The following CSMD1 variants were observed in gnomAD, a reference collection of about 807,000 sequenced individuals.
CSMD1 encodes the protein CUB and Sushi multiple domains 1.
In CSMD1, 213 loss-of-function variants were observed where a neutral mutation model predicts 417.5. The observed-to-expected ratio is 0.51, with a 90% CI of 0.46 to 0.57. The LOEUF (loss-of-function observed/expected upper bound fraction) is 0.57. Among genes scored for constraint, CSMD1 ranks in the 20% least tolerant of loss-of-function variants. The probability of loss-of-function intolerance (pLI) is 0.00; values close to 1 mark genes in which losing one functional copy is unlikely to be tolerated. For synonymous variants in CSMD1, 2,862 were observed against 1,736.8 expected (o/e 1.65, Z -16.11); for missense variants, 6,923 against 4,529.7 (o/e 1.53, Z -15.17).
intron 1 of CSMD1, among the ~76,000 whole-genome samples, chr8:4,992,100 A>G (rs1486635207): frequency 6.6e-6 from 1 of 152,118 alleles, no homozygotes; most frequent in Non-Finnish European, 1.5e-5. Flanking sequence ...AGCGCGCAAG[A>G]GGAGCTCTCT....
At chr8:3,939,852 G>A (rs914467797) in intron 5 of CSMD1, among the ~76,000 whole-genome samples, 6 of 152,098 alleles carry the variant, frequency 3.9e-5, no homozygotes, top group African/African-American at 1.4e-4. Context: ...ATGGACATTG[G>A]GTATTGGGAG....
At chr8:4,205,624 C>T (rs1455857973) in intron 3 of CSMD1, among the ~76,000 whole-genome samples, 2 of 152,058 alleles carry the variant, frequency 1.3e-5, no homozygotes, top group African/African-American at 4.8e-5. Context: ...CACCCAGGAG[C>T]CACACAGAGT....
At chr8:4,625,442 G>A (rs1002631186) in intron 2 of CSMD1, among the ~76,000 whole-genome samples, 1 of 151,946 alleles carries the variant, frequency 6.6e-6, no homozygotes, top group African/African-American at 2.4e-5. Context: ...TTATTTTAAT[G>A]AGTCTACATT....
intron 7 of CSMD1, among the ~76,000 whole-genome samples, chr8:3,686,135 CTA>C (rs1799933251): frequency 1.3e-5 from 2 of 151,718 alleles, no homozygotes; most frequent in Admixed American, 1.3e-4. Flanking sequence ...AAAAAACTGT[CTA>C]TGGGACTATT....
rs1796646497 is a variant in CSMD1, at chr8:4,411,464, A to G, written c.415+8489T>C. On this transcript the variant is annotated intron_variant, in intron 3 of 69. Transcript: ENST00000635120. ...AATTACTTGGTTCTATTTTTCATTC[A>G]AATTCCAATTAAGAGCCAGAGATCC... 2.0e-5 allele frequency among the ~76,000 whole-genome samples: 3 copies of G among 152,186 alleles called. No individual in the cohort carries two copies. In the South Asian group the frequency reaches 6.2e-4, roughly 32 times the overall value.
chr8:3,771,455 G>T (rs1214459740), intron 5 of CSMD1, among the ~76,000 whole-genome samples: 2 of 152,126 alleles, frequency 1.3e-5, no homozygotes, highest in East Asian at 1.9e-4. Flanking sequence ...TCAGTTGCTG[G>T]TGGGGGGGCA....
chr8:3,099,781 T>A (rs1389881370), intron 46 of CSMD1, among the ~76,000 whole-genome samples: 1 of 152,164 alleles, frequency 6.6e-6, no homozygotes, highest in Non-Finnish European at 1.5e-5. Flanking sequence ...AATGCTGATT[T>A]TGTTTCTTAG....
intron 49 of CSMD1, among the ~76,000 whole-genome samples, chr8:3,055,285 T>C (rs895777944): frequency 1.3e-5 from 2 of 152,220 alleles, no homozygotes; most frequent in African/African-American, 2.4e-5. Flanking sequence ...TGCCCAGGTC[T>C]TAAGACAACC....
chr8:4,233,931 T>A (rs1477946137), intron 3 of CSMD1, among the ~76,000 whole-genome samples: 1 of 144,378 alleles, frequency 6.9e-6, no homozygotes, highest in African/African-American at 2.6e-5. Context: ...AATGCCTTAA[T>A]GAGGTGAGAC....
chr8:3,967,344 G>C (rs572985040), intron 5 of CSMD1, among the ~76,000 whole-genome samples: 3 of 151,676 alleles, frequency 2.0e-5, no homozygotes, highest in Non-Finnish European at 2.9e-5. Flanking sequence ...TCTCCATTCC[G>C]ACCCTGAACT....
rs1419445051 is a variant in CSMD1 at position 4,655,813 on chromosome 8, A to G, written c.86-18255T>C. 4.6e-5 allele frequency among the ~76,000 whole-genome samples: 7 copies of G among 152,234 alleles called. No homozygotes were observed. In the East Asian group the frequency reaches 9.7e-4, roughly 21 times the overall value. ...ATCAATTACTCAAAGACCTCCAACAACAAAATGTGGATTAGAATTCAGCTA... is the reference window on the plus strand; with the variant it reads ...ATCAATTACTCAAAGACCTCCAACAGCAAAATGTGGATTAGAATTCAGCTA... On this transcript the variant is annotated intron_variant, in intron 1 of 69. Coordinates refer to ENST00000635120, the MANE Select transcript of CSMD1 (RefSeq NM_033225.6).
intron 1 of CSMD1, among the ~76,000 whole-genome samples, chr8:4,878,081 G>A (rs147548200): frequency 6.6e-6 from 1 of 152,084 alleles, no homozygotes; most frequent in African/African-American, 2.4e-5. Context: ...TGATGCCATT[G>A]TCTGAGTATG....
In CSMD1 at chr8:4,543,636, T is replaced by C. The variant is rs1354321540; in HGVS notation, c.302+93706A>G. On this transcript the variant is annotated intron_variant, in intron 2 of 69. Coordinates refer to ENST00000635120, the MANE Select transcript of CSMD1 (RefSeq NM_033225.6). ...AATTCATTTCAGTAGATACCTATGA[T>C]GGCTGGATCATATGGGAAGGACACG... Among the ~76,000 whole-genome samples the C allele has an allele frequency of 2.3e-5, 3 of 130,740 alleles. No individual in the cohort carries two copies. In the Admixed American group the frequency reaches 2.9e-4, roughly 13 times the overall value. 85.8% of individuals were successfully genotyped at this position (130,740 alleles called of 152,430 possible). A position where few individuals can be genotyped will look rare whatever the true frequency, so the allele number is the denominator to read the frequency against.
intron 2 of CSMD1, among the ~76,000 whole-genome samples, chr8:4,525,700 C>G (rs749743313): frequency 1.3e-5 from 2 of 152,138 alleles, no homozygotes; most frequent in African/African-American, 4.8e-5. Context: ...ATAGAAGTCT[C>G]CCAAGCTAGG....
At chr8:3,233,216 C>G (rs981407385) in intron 26 of CSMD1, among the ~76,000 whole-genome samples, 2 of 151,890 alleles carry the variant, frequency 1.3e-5, no homozygotes, top group Admixed American at 1.3e-4. Flanking sequence ...GGAGGTGAGG[C>G]CTTTAAGAGG....
intron 5 of CSMD1, among the ~76,000 whole-genome samples, chr8:3,840,375 G>A (rs779446996): frequency 1.3e-5 from 2 of 152,164 alleles, no homozygotes; most frequent in Non-Finnish European, 2.9e-5. Flanking sequence ...AATATGCTGA[G>A]GGAGAATAAT....
At position 4,439,440 on chromosome 8, in the gene CSMD1, TCTAA is replaced by T. The variant is rs557107798; in HGVS notation, c.303-19379_303-19376del. 1.9e-3 allele frequency among the ~76,000 whole-genome samples: 286 copies of T among 152,300 alleles called. 1 individual carries two copies. The highest frequency in any genetic ancestry group is 6.6e-3 in the African/African-American group (273 of 41,572). On this transcript the variant is annotated intron_variant, in intron 2 of 69. Transcript: ENST00000635120. ...ATATTTAATAATGTAATGATTTTCATCTAACTTTTTCCTAACATTCTTATGTTTT... is the reference window on the plus strand; with the variant it reads ...ATATTTAATAATGTAATGATTTTCATCTTTTTCCTAACATTCTTATGTTTT...
chr8:4,869,871 T>C (rs557670391), intron 1 of CSMD1, among the ~76,000 whole-genome samples: 1 of 152,194 alleles, frequency 6.6e-6, no homozygotes, highest in East Asian at 1.9e-4. Flanking sequence ...TTCTCTTTTT[T>C]CAATGAAAAG....
At chr8:3,730,999 T>C (rs369331693) in intron 6 of CSMD1, among the ~76,000 whole-genome samples, 1 of 152,152 alleles carries the variant, frequency 6.6e-6, no homozygotes, top group Non-Finnish European at 1.5e-5. Context: ...AAATTACAGA[T>C]AAAAGTGAAT....
Sources: allele counts gnomAD v4.1 joint callset (sites outside exome capture counted in the v4.1 genomes callset), GRCh38; gene constraint gnomAD v4.1.1; transcripts MANE v1.5; gene names NCBI Gene and HGNC (gene_info 2026-07-23, HGNC 2026-07-21).